Variants in RBFOX1 observed in about 807,000 individuals in gnomAD.
RBFOX1 encodes the protein RNA binding fox-1 homolog 1.
Under a neutral mutation model 57.7 loss-of-function variants are expected in RBFOX1, and 8 were observed. The ratio of observed to expected loss-of-function variants is 0.14; its 90% CI spans 0.08 to 0.25. RBFOX1 has a LOEUF of 0.25. Ranked by LOEUF, RBFOX1 falls within the 10% of genes least tolerant of loss-of-function variation. The probability of loss-of-function intolerance (pLI) is 1.00; values close to 1 mark genes in which losing one functional copy is unlikely to be tolerated. For synonymous variants in RBFOX1, 326 were observed against 222.4 expected, an observed-to-expected ratio of 1.47 and a Z score of -4.15; for missense variants, 611 against 548.5, an observed-to-expected ratio of 1.11 and a Z score of -1.14.
intron 2 of RBFOX1, among the ~76,000 whole-genome samples, chr16:6,327,721 C>T (rs946233313): frequency 1.3e-5 from 2 of 152,116 alleles, no homozygotes; most frequent in Non-Finnish European, 2.9e-5. Flanking sequence ...AAAGGAGTTT[C>T]AGAATACATA....
chr16:6,201,520 G>A (rs1033257409), intron 1 of RBFOX1, among the ~76,000 whole-genome samples: 1 of 152,174 alleles, frequency 6.6e-6, no homozygotes, highest in Non-Finnish European at 1.5e-5. Context: ...GCTGAGAAGG[G>A]TAGCCCGGAG....
intron 1 of RBFOX1, among the ~76,000 whole-genome samples, chr16:6,115,351 T>C (rs1224766488): frequency 6.6e-6 from 1 of 152,198 alleles, no homozygotes; most frequent in South Asian, 2.1e-4. Flanking sequence ...TAGGATTGCA[T>C]GCTTTAAATT....
chr16:5,869,287 T>G (rs1157756555), intron 4 of RBFOX1, among the ~76,000 whole-genome samples: 1 of 152,164 alleles, frequency 6.6e-6, no homozygotes, highest in Admixed American at 6.5e-5. Flanking sequence ...TTTCCTATGA[T>G]CTTCCATCTT....
chr16:6,697,546 T>TC (rs1216839476), intron 3 of RBFOX1, among the ~76,000 whole-genome samples: 1 of 152,192 alleles, frequency 6.6e-6, no homozygotes, highest in African/African-American at 2.4e-5. Flanking sequence ...GATCACATGG[T>TC]CCATTCTCAC....
intron 3 of RBFOX1, among the ~76,000 whole-genome samples, chr16:5,827,760 C>T (rs958080318): frequency 6.6e-6 from 1 of 152,148 alleles, no homozygotes; most frequent in Non-Finnish European, 1.5e-5. Context: ...TGGATGCACG[C>T]CACTGTGTCT....
chr16:6,604,718 G>T (rs9922632), intron 2 of RBFOX1, among the ~76,000 whole-genome samples: 1 of 151,884 alleles, frequency 6.6e-6, no homozygotes, highest in Non-Finnish European at 1.5e-5. Context: ...ACGTATAATT[G>T]TCAGCCCTAT....
chr16:6,744,537 A>T (rs573145759), intron 3 of RBFOX1, among the ~76,000 whole-genome samples: 191 of 152,240 alleles, frequency 1.3e-3, no homozygotes, highest in African/African-American at 4.4e-3. Flanking sequence ...AATGACAGAA[A>T]TATAAAATGA....
chr16:6,615,178 A>G (rs539091275), intron 2 of RBFOX1, among the ~76,000 whole-genome samples: 4 of 152,228 alleles, frequency 2.6e-5, no homozygotes, highest in African/African-American at 9.6e-5. Context: ...TTTTCCCTCT[A>G]GAAATGGCAT....
chr16:6,859,111 G>GTATATATATATATATATATGTATATA (rs796794349), intron 3 of RBFOX1, among the ~76,000 whole-genome samples: 1 of 65,126 alleles, frequency 1.5e-5, no homozygotes, highest in Non-Finnish European at 2.7e-5. Flanking sequence ...TAAAAAAAGT[G>GTATATATATATATATATATGTATATA]TATATATATA....
At chr16:6,857,525 A>G (rs1008637535) in intron 3 of RBFOX1, among the ~76,000 whole-genome samples, 1 of 152,148 alleles carries the variant, frequency 6.6e-6, no homozygotes, top group Non-Finnish European at 1.5e-5. Context: ...CAAAATTACT[A>G]TTTGGTCCTT....
intron 4 of RBFOX1, among the ~76,000 whole-genome samples, chr16:7,330,007 G>C (rs2096663651): frequency 6.6e-6 from 1 of 152,138 alleles, no homozygotes; most frequent in Non-Finnish European, 1.5e-5. Context: ...ACTGAATACT[G>C]TAGGTGATTG....
intron 2 of RBFOX1, among the ~76,000 whole-genome samples, chr16:6,413,430 C>T (rs905683878): frequency 5.9e-5 from 9 of 151,904 alleles, no homozygotes; most frequent in Non-Finnish European, 1.2e-4. Context: ...TCCCAAAGTG[C>T]TGGGGTTACA....
At chr16:5,858,308 C>A (rs1361815044) in intron 3 of RBFOX1, among the ~76,000 whole-genome samples, 1 of 152,170 alleles carries the variant, frequency 6.6e-6, no homozygotes, top group African/African-American at 2.4e-5. Context: ...CATAATTAAG[C>A]TTCAGATAAT....
At chr16:7,048,274 G>C (rs956491183) in intron 3 of RBFOX1, among the ~76,000 whole-genome samples, 6 of 151,260 alleles carry the variant, frequency 4.0e-5, no homozygotes, top group African/African-American at 1.5e-4. Flanking sequence ...TTGTTTGTTT[G>C]TTTTCGATGG....
chr16:6,714,086 G>T (rs547382186), intron 3 of RBFOX1, among the ~76,000 whole-genome samples: 5 of 152,298 alleles, frequency 3.3e-5, no homozygotes, highest in African/African-American at 1.2e-4. Context: ...TCTTGTGATA[G>T]TAAGTGAATT....
chr16:7,550,668 A>G (rs927488014), intron 5 of RBFOX1, among the ~76,000 whole-genome samples: 16 of 152,150 alleles, frequency 1.1e-4, no homozygotes, highest in Admixed American at 5.2e-4. Context: ...AATAGGTACT[A>G]TGCCTCTGGA....
At chr16:6,843,717 C>T (rs945107813) in intron 3 of RBFOX1, among the ~76,000 whole-genome samples, 4 of 152,062 alleles carry the variant, frequency 2.6e-5, no homozygotes, top group Non-Finnish European at 5.9e-5. Flanking sequence ...TATAAAAAAG[C>T]TTTACAGGTA....
chr16:6,806,272 C>G (rs888717712), intron 3 of RBFOX1, among the ~76,000 whole-genome samples: 7 of 152,056 alleles, frequency 4.6e-5, no homozygotes, highest in Admixed American at 1.3e-4. Context: ...CTTTTCCTTC[C>G]TGAAAGTCAT....
rs566575057 is a variant in RBFOX1, at chr16:7,510,170, T to C, written c.28-7977T>C. ...AGGCGGCCTCAGCCCCCCACCTTCC[T>C]CAACACCCCGATCATCCACACATTG... is the stretch of plus-strand genomic sequence containing the variant. On this transcript the variant is annotated intron_variant, in intron 4 of 15. Coordinates refer to ENST00000550418, the MANE Select transcript of RBFOX1 (RefSeq NM_018723.4). The C allele has an allele frequency of 1.3e-4, 132 of 985,742 alleles. No individual in the cohort carries two copies. The African/African-American group carries it at 2.0e-3, about 15-fold the overall frequency. The allele number at this position is 985,742 out of a possible 1,614,324, so 61.1% of individuals were successfully genotyped here. A position where few individuals can be genotyped will look rare whatever the true frequency, so the allele number is the denominator to read the frequency against.
Sources: gnomAD v4.1 joint callset for allele counts (sites outside exome capture counted in the v4.1 genomes callset) on GRCh38, gnomAD v4.1.1 for gene constraint, MANE v1.5 for transcripts, NCBI Gene and HGNC (gene_info 2026-07-23, HGNC 2026-07-21) for gene names.